SETD2: variants seen among roughly 807,000 people sequenced by gnomAD.
The protein encoded by SETD2 is SET domain containing 2, histone lysine methyltransferase, also known as histone-lysine N-methyltransferase SETD2.
SETD2 carries 31 observed loss-of-function variants against 242.1 expected under a neutral mutation model. That is an observed-to-expected ratio of 0.13 (90% CI 0.10 to 0.17). The LOEUF (loss-of-function observed/expected upper bound fraction) is 0.17, where lower values mean the gene tolerates loss of function less well. Ranked by LOEUF, SETD2 falls within the 10% of genes least tolerant of loss-of-function variation. The pLI is 1.00. For synonymous variants in SETD2, 1,006 were observed against 1,066.5 expected (o/e 0.94, Z 1.11); for missense variants, 2,481 against 3,046.3 (o/e 0.81, Z 4.37).
intron 9 of SETD2, among the ~76,000 whole-genome samples, chr3:47,096,434 T>C (rs1263959940): frequency 6.6e-6 from 1 of 152,154 alleles, no homozygotes; most frequent in African/African-American, 2.4e-5. Context: ...AGGCTGGGTG[T>C]GGTAGCTCAT....
In SETD2 at chr3:47,121,493, T is replaced by G; in HGVS notation, c.3143A>C (p.Glu1048Ala). Residue 1048 changes from glutamate (E) to alanine (A), a missense_variant, in exon 3 of 21, where the codon GAA becomes GCA. Around this residue, in one of 17 missense-constraint regions of SETD2, gnomAD observed 1,300 missense variants for 1,259.2 expected, o/e 1.03. Transcript: ENST00000409792. ...YSGSSESSNDESDSEDTDSDD... is the reference protein window; with the variant it reads ...YSGSSESSNDASDSEDTDSDD... ...CGAATCTGTATCTTCTGAATCACTT[T>G]CATCATTTGAACTTTCAGAAGAGCC... 4 of 1,614,084 alleles carry G rather than the reference T, an allele frequency of 2.5e-6. No homozygotes were observed. The Admixed American group carries it at 5.0e-5, about 20-fold the overall frequency.
chr3:47,137,174 A>G (rs1344349788), intron 1 of SETD2, among the ~76,000 whole-genome samples: 1 of 151,866 alleles, frequency 6.6e-6, no homozygotes, highest in Non-Finnish European at 1.5e-5. Flanking sequence ...TATTCCTAGC[A>G]TTTATTATTA....
chr3:47,039,847 C>T (rs2039196911), intron 17 of SETD2, among the ~76,000 whole-genome samples: 1 of 145,110 alleles, frequency 6.9e-6, no homozygotes, highest in South Asian at 2.2e-4. Context: ...CACGCCACTG[C>T]ACTCCAGCGT....
chr3:47,048,377 A>T (rs1575685531), intron 15 of SETD2, among the ~76,000 whole-genome samples: 1 of 152,118 alleles, frequency 6.6e-6, no homozygotes, highest in East Asian at 1.9e-4. Context: ...CAACAGAGCG[A>T]GATGCCGTCT....
intron 1 of SETD2, among the ~76,000 whole-genome samples, chr3:47,132,353 G>A (rs1004873191): frequency 5.3e-5 from 8 of 152,060 alleles, no homozygotes; most frequent in Non-Finnish European, 1.2e-4. Flanking sequence ...CAGGTGTGGT[G>A]GTACATGCCT....
intron 1 of SETD2, among the ~76,000 whole-genome samples, chr3:47,131,338 A>G (rs1172200481): frequency 6.6e-6 from 1 of 152,140 alleles, no homozygotes; most frequent in Non-Finnish European, 1.5e-5. Context: ...TTTTTAGTAC[A>G]TTTTAAATTA....
At chr3:47,132,189 G>A (rs2043494440) in intron 1 of SETD2, among the ~76,000 whole-genome samples, 1 of 145,660 alleles carries the variant, frequency 6.9e-6, no homozygotes, top group African/African-American at 2.6e-5. Flanking sequence ...CTGGAGTCCA[G>A]TGGCGCAATC....
intron 17 of SETD2, among the ~76,000 whole-genome samples, chr3:47,038,095 G>T (rs1431581496): frequency 6.6e-6 from 1 of 152,116 alleles, no homozygotes; most frequent in Non-Finnish European, 1.5e-5. Flanking sequence ...ACTGGGCAAA[G>T]CCTAAAATGT....
chr3:47,096,564 T>C (rs1397545914), intron 9 of SETD2, among the ~76,000 whole-genome samples: 1 of 126,572 alleles, frequency 7.9e-6, no homozygotes, highest in Non-Finnish European at 1.6e-5. Context: ...AGAATGAGAT[T>C]TTGCCTCAAA....
At position 47,046,725 on chromosome 3, in the gene SETD2, T is replaced by A. The variant is rs916293469; in HGVS notation, c.6964-104A>T. On this transcript the variant is annotated intron_variant, in intron 15 of 20. Coordinates refer to ENST00000409792, the MANE Select transcript of SETD2 (RefSeq NM_014159.7). ...TCTTAAAGATATACCCATAACATTTTAAAATTTTTTGTTTATATATTTGGA... is the reference window on the plus strand; with the variant it reads ...TCTTAAAGATATACCCATAACATTTAAAAATTTTTTGTTTATATATTTGGA... The A allele has an allele frequency of 7.0e-6, 7 of 997,990 alleles. No individual in the cohort carries two copies. In the Admixed American group the frequency reaches 1.9e-4, roughly 27 times the overall value. The allele number at this position is 997,990 out of a possible 1,614,324, so 61.8% of individuals were successfully genotyped here. A position where few individuals can be genotyped will look rare whatever the true frequency, so the allele number is the denominator to read the frequency against.
chr3:47,043,131 T>C (rs2039362481), intron 16 of SETD2, among the ~76,000 whole-genome samples: 1 of 151,880 alleles, frequency 6.6e-6, no homozygotes, highest in Admixed American at 6.6e-5. Context: ...ACTTGAAACC[T>C]CAAAACTATA....
At position 47,126,675 on chromosome 3, in the gene SETD2, C is replaced by A; in HGVS notation, c.72-12G>T. On this transcript the variant is annotated splice_polypyrimidine_tract_variant and intron_variant, in intron 1 of 20. Coordinates refer to ENST00000409792, the MANE Select transcript of SETD2 (RefSeq NM_014159.7). The stretch of plus-strand genomic sequence containing the variant: ...CATTTTCTTCTTCTCTATTTCCATT[C>A]AGCCAAGAAAACATGCAAAAGAATA... 2 of 1,324,954 alleles carry A rather than the reference C, an allele frequency of 1.5e-6. No homozygotes were observed. Among genetic ancestry groups the A allele is most frequent in the Admixed American group, 2.0e-5 (1 of 48,916 alleles). 82.1% of individuals were successfully genotyped at this position (1,324,954 alleles called of 1,614,324 possible). A position where few individuals can be genotyped will look rare whatever the true frequency, so the allele number is the denominator to read the frequency against.
At chr3:47,159,733 T>C (rs1697432037) in intron 1 of SETD2, among the ~76,000 whole-genome samples, 1 of 152,136 alleles carries the variant, frequency 6.6e-6, no homozygotes, top group African/African-American at 2.4e-5. Flanking sequence ...TCCCAGCACT[T>C]TGGGAGGCCA....
chr3:47,068,803 T>G (rs2040686318), intron 12 of SETD2, among the ~76,000 whole-genome samples: 1 of 149,192 alleles, frequency 6.7e-6, no homozygotes, highest in Non-Finnish European at 1.5e-5. Context: ...CCTATCTTTT[T>G]GTTTTGTTTT....
intron 15 of SETD2, among the ~76,000 whole-genome samples, chr3:47,055,854 T>C (rs2040033156): frequency 6.6e-6 from 1 of 150,390 alleles, no homozygotes; most frequent in South Asian, 2.1e-4. Context: ...CTACTAAAAA[T>C]ACAAAAAAAT....
chr3:47,138,202 G>A, intron 1 of SETD2: 1 of 168,522 alleles, frequency 5.9e-6, no homozygotes, highest in Non-Finnish European at 1.3e-5. Flanking sequence ...TCGATCTCCT[G>A]ACCTCGTGAT....
intron 10 of SETD2, among the ~76,000 whole-genome samples, chr3:47,087,840 G>A (rs775915005): frequency 2.8e-5 from 4 of 141,498 alleles, no homozygotes; most frequent in Non-Finnish European, 4.6e-5. Flanking sequence ...GTGGTGGCTG[G>A]CGCCTGTAAT....
At position 47,017,689 on chromosome 3, in the gene SETD2, G is replaced by A. The variant is rs2038041199; in HGVS notation, c.7482C>T (p.Cys2494=). 1 of 1,614,042 alleles carries A rather than the reference G, an allele frequency of 6.2e-7. No individual in the cohort carries two copies. The highest frequency in any genetic ancestry group is 1.1e-5 in the South Asian group (1 of 91,086). ...CAGTTGTGGTAATTCTTCCCACTTT[G>A]CAGTCAGGTTTCCGGTAAGGGTTCA... is the stretch of plus-strand genomic sequence containing the variant. ...QCLNPYRKPD[C]KVGRITTTED... The change falls in exon 20 of 21, where the codon TGC becomes TGT. Residue 2494 remains cysteine, a synonymous_variant. Transcript: ENST00000409792. This position sits in a 1 kb window ranked among gnomAD's most constrained non-coding sequence, Gnocchi z 4.8.
chr3:47,139,494 T>C (rs908267655), intron 1 of SETD2, among the ~76,000 whole-genome samples: 5 of 152,224 alleles, frequency 3.3e-5, no homozygotes, highest in African/African-American at 1.2e-4. Flanking sequence ...GTCCTTATTA[T>C]ATAATCTCCC....
Sources: gnomAD v4.1 joint callset for allele counts (sites outside exome capture counted in the v4.1 genomes callset) on GRCh38, gnomAD v4.1.1 for gene constraint, gnomAD v4.1.1 regional missense constraint, Gnocchi (gnomAD v3.1) non-coding constraint, MANE v1.5 for transcripts, NCBI Gene and HGNC (gene_info 2026-07-23, HGNC 2026-07-21) for gene names.